Variants in MAGI2 observed in about 807,000 individuals in gnomAD.
MAGI2 encodes membrane associated guanylate kinase, WW and PDZ domain containing 2.
MAGI2 carries 35 observed loss-of-function variants against 133.3 expected under a neutral mutation model. The ratio of observed to expected loss-of-function variants is 0.26; its 90% confidence interval spans 0.20 to 0.35. MAGI2 has a LOEUF of 0.35. Among genes scored for constraint, MAGI2 ranks in the 10% least tolerant of loss-of-function variants. The pLI, the probability that MAGI2 is intolerant of heterozygous loss-of-function variation, is 1.00. For missense variants in MAGI2, 1,636 were observed against 1,863.4 expected, an observed-to-expected ratio of 0.88 and a Z score of 2.25; for synonymous variants, 729 against 710.6, an observed-to-expected ratio of 1.03 and a Z score of -0.41.
At chr7:78,356,202 T>G (rs930426860) in intron 7 of MAGI2, among the ~76,000 whole-genome samples, 4 of 152,204 alleles carry the variant, frequency 2.6e-5, no homozygotes, top group South Asian at 2.1e-4. Flanking sequence ...TATTCATGAA[T>G]AAGATTACAG....
chr7:78,445,270 AAATT>A (rs1268602414), intron 6 of MAGI2, among the ~76,000 whole-genome samples: 1 of 152,080 alleles, frequency 6.6e-6, no homozygotes, highest in Non-Finnish European at 1.5e-5. Context: ...TAAAAATTTT[AAATT>A]ATTAGGAGCT....
At chr7:78,392,219 TA>T (rs1194569221) in intron 6 of MAGI2, among the ~76,000 whole-genome samples, 2 of 152,294 alleles carry the variant, frequency 1.3e-5, no homozygotes, top group East Asian at 3.9e-4. Context: ...CTAGTATACA[TA>T]AATATTGTAT....
At chr7:78,645,848 C>T (rs1227318300) in intron 2 of MAGI2, among the ~76,000 whole-genome samples, 1 of 151,868 alleles carries the variant, frequency 6.6e-6, no homozygotes, top group Non-Finnish European at 1.5e-5. Context: ...AAGCAATTCT[C>T]ATGCCTCGGC....
intron 1 of MAGI2, among the ~76,000 whole-genome samples, chr7:79,075,636 G>C (rs546198838): frequency 6.6e-6 from 1 of 151,978 alleles, no homozygotes; most frequent in Admixed American, 6.6e-5. Flanking sequence ...GGTGGTGTGT[G>C]CCTGTAGTCC....
intron 1 of MAGI2, among the ~76,000 whole-genome samples, chr7:79,167,063 CTTTAT>C (rs1350397612): frequency 6.6e-6 from 1 of 151,886 alleles, no homozygotes; most frequent in East Asian, 1.9e-4. Context: ...GTTTGAGAAG[CTTTAT>C]TTTATATGTT....
chr7:78,262,137 C>T (rs1793574323), intron 9 of MAGI2, among the ~76,000 whole-genome samples: 1 of 152,242 alleles, frequency 6.6e-6, no homozygotes, highest in East Asian at 1.9e-4. Context: ...GGTTCTGGAT[C>T]TTACCATGGT....
At chr7:78,309,887 GATAAA>G (rs1226130321) in intron 9 of MAGI2, among the ~76,000 whole-genome samples, 8 of 152,002 alleles carry the variant, frequency 5.3e-5, no homozygotes, top group South Asian at 2.1e-4. Context: ...TTATTGAGAA[GATAAA>G]ATAAAATATT....
intron 1 of MAGI2, among the ~76,000 whole-genome samples, chr7:79,032,685 A>G (rs1810720660): frequency 6.6e-6 from 1 of 152,052 alleles, no homozygotes. Flanking sequence ...GGAATCTATT[A>G]TTAAAATTAA....
At chr7:78,650,184 A>T (rs1045760730) in intron 2 of MAGI2, among the ~76,000 whole-genome samples, 2 of 152,196 alleles carry the variant, frequency 1.3e-5, no homozygotes, top group Non-Finnish European at 2.9e-5. Flanking sequence ...GCAAGCACTG[A>T]TACTACATGA....
intron 9 of MAGI2, among the ~76,000 whole-genome samples, chr7:78,287,213 G>T (rs1481577531): frequency 1.3e-5 from 2 of 152,120 alleles, no homozygotes; most frequent in Non-Finnish European, 2.9e-5. Flanking sequence ...TAATCCAATG[G>T]CAGGGCTTAA....
chr7:78,232,643 A>G (rs1321970962), intron 10 of MAGI2, among the ~76,000 whole-genome samples: 6 of 152,194 alleles, frequency 3.9e-5, no homozygotes, highest in African/African-American at 1.2e-4. Context: ...AATTCTGAAG[A>G]AAAATGGTAA....
intron 1 of MAGI2, among the ~76,000 whole-genome samples, chr7:79,183,831 T>TGAC (rs1826831141): frequency 6.6e-6 from 1 of 151,882 alleles, no homozygotes; most frequent in African/African-American, 2.4e-5. Context: ...CTGTCATTTG[T>TGAC]GACAACATGA....
At chr7:78,023,996 A>G (rs997484331) in intron 21 of MAGI2, among the ~76,000 whole-genome samples, 52 of 152,318 alleles carry the variant, frequency 3.4e-4, no homozygotes, top group African/African-American at 1.1e-3. Context: ...TGCAAATACT[A>G]TACCAGTTCA....
chr7:78,620,719 C>T (rs1023207145), intron 3 of MAGI2, among the ~76,000 whole-genome samples: 4 of 151,916 alleles, frequency 2.6e-5, no homozygotes, highest in Non-Finnish European at 5.9e-5. Flanking sequence ...GGTCTTGATT[C>T]GATCCTCTTA....
intron 6 of MAGI2, among the ~76,000 whole-genome samples, chr7:78,444,233 T>C (rs538736876): frequency 6.6e-5 from 10 of 152,246 alleles, no homozygotes; most frequent in South Asian, 2.1e-4. Flanking sequence ...GCTATATGTA[T>C]ATGGCTTTAA....
chr7:79,282,735 T>C (rs1275972751), intron 1 of MAGI2, among the ~76,000 whole-genome samples: 2 of 152,052 alleles, frequency 1.3e-5, no homozygotes. Context: ...TGATCTTATA[T>C]AGATAAAAGT....
intron 4 of MAGI2, 46 bp from the exon 5 acceptor site, chr7:78,501,833 A>G: frequency 7.1e-7 from 1 of 1,415,062 alleles, no homozygotes; most frequent in Non-Finnish European, 1.0e-6. Context: ...AACCATGGTA[A>G]CTCTGGACTG....
At chr7:78,039,033 A>AT (rs370812442) in intron 21 of MAGI2, among the ~76,000 whole-genome samples, 179 of 150,592 alleles carry the variant, frequency 1.2e-3, no homozygotes, top group East Asian at 2.1e-3. Flanking sequence ...CACTTAGAGG[A>AT]TTTTTTTTTT....
chr7:78,765,341 A>ATGT (rs1443309496), intron 2 of MAGI2, among the ~76,000 whole-genome samples: 1 of 43,758 alleles, frequency 2.3e-5, no homozygotes, highest in African/African-American at 9.4e-5. Flanking sequence ...TTTAGTGCAC[A>ATGT]TCTTTTTTTT....
Sources: gnomAD v4.1 joint callset for allele counts (sites outside exome capture counted in the v4.1 genomes callset) on GRCh38, gnomAD v4.1.1 for gene constraint, MANE v1.5 for transcripts, NCBI Gene and HGNC (gene_info 2026-07-23, HGNC 2026-07-21) for gene names.